Variants in MALRD1 observed in about 807,000 individuals in gnomAD.
MALRD1 encodes the protein MAM and LDL-receptor class A domain-containing protein 1.
A neutral mutation model predicts 242.1 loss-of-function variants in MALRD1; 247 were observed. The observed-to-expected ratio is 1.02, with a 90% CI of 0.92 to 1.13. The LOEUF (loss-of-function observed/expected upper bound fraction) is 1.13. Ranked by LOEUF, MALRD1 falls within the 50% of genes most tolerant of loss-of-function variation. The pLI is 0.00. For synonymous variants in MALRD1, 995 were observed against 866.6 expected, an observed-to-expected ratio of 1.15 and a Z score of -2.60; for missense variants, 2,989 against 2,533.1, an observed-to-expected ratio of 1.18 and a Z score of -3.86.
chr10:19,311,023 T>C (rs1842404069), intron 21 of MALRD1, among the ~76,000 whole-genome samples: 2 of 151,520 alleles, frequency 1.3e-5, no homozygotes, highest in African/African-American at 4.8e-5. Context: ...CCTTGAATGA[T>C]AAAAAGAAAA....
At chr10:19,603,632 C>T (rs1478065073) in intron 34 of MALRD1, among the ~76,000 whole-genome samples, 1 of 152,150 alleles carries the variant, frequency 6.6e-6, no homozygotes, top group African/African-American at 2.4e-5. Flanking sequence ...TAGTGTGATG[C>T]CTCCGGCTTT....
intron 36 of MALRD1, among the ~76,000 whole-genome samples, chr10:19,671,584 C>G (rs1841922117): frequency 6.6e-6 from 1 of 151,882 alleles, no homozygotes; most frequent in Non-Finnish European, 1.5e-5. Context: ...CACCACTGCA[C>G]TCCAGCACTC....
At chr10:19,538,733 T>C (rs1834796024) in intron 32 of MALRD1, among the ~76,000 whole-genome samples, 1 of 152,028 alleles carries the variant, frequency 6.6e-6, no homozygotes, top group South Asian at 2.1e-4. Flanking sequence ...AATAGGTAAC[T>C]CACAATTTAT....
chr10:19,238,532 C>CATTATATATTAT, intron 18 of MALRD1, among the ~76,000 whole-genome samples: 1 of 55,882 alleles, frequency 1.8e-5, no homozygotes, highest in Middle Eastern at 0.017. Context: ...ATATAATATA[C>CATTATATATTAT]ATTATATATA....
rs74697682 is a variant in MALRD1, at chr10:19,208,904, C to A, written c.2579-364C>A. Among the ~76,000 whole-genome samples, 5 of 152,188 alleles carry A rather than the reference C, an allele frequency of 3.3e-5. No individual in the cohort carries two copies. The South Asian group carries it at 1.0e-3, about 32-fold the overall frequency. ...AATGTTCCCTGGTGATTGGAACATT[C>A]AGTTGAGGTTGAAATCTACTGAGCC... On this transcript the variant is annotated intron_variant, in intron 17 of 39. Transcript: ENST00000454679.
chr10:19,281,912 G>A (rs1023645032), intron 20 of MALRD1, among the ~76,000 whole-genome samples: 16 of 145,554 alleles, frequency 1.1e-4, no homozygotes, highest in Admixed American at 8.6e-4. Flanking sequence ...AGGGGGAGCC[G>A]AGATCGTGCC....
chr10:19,653,083 G>A (rs1840970192), intron 36 of MALRD1, among the ~76,000 whole-genome samples: 1 of 152,114 alleles, frequency 6.6e-6, no homozygotes, highest in Admixed American at 6.5e-5. Context: ...GCAGTCTATT[G>A]TACAAATCAG....
At chr10:19,243,047 G>C (rs1021389202) in intron 18 of MALRD1, among the ~76,000 whole-genome samples, 2 of 146,382 alleles carry the variant, frequency 1.4e-5, no homozygotes, top group Non-Finnish European at 3.0e-5. Context: ...GTGGTGCTAA[G>C]CTTTGTTTCT....
chr10:19,717,820 C>T (rs368291278), intron 38 of MALRD1, among the ~76,000 whole-genome samples: 24 of 151,936 alleles, frequency 1.6e-4, no homozygotes, highest in African/African-American at 5.6e-4. Context: ...AGTTTAAGAC[C>T]AGCCTGGCCT....
rs529218755 is a variant in MALRD1 at position 19,347,230 on chromosome 10, G to A, written c.3902-541G>A. Among the ~76,000 whole-genome samples, 240 of 152,194 alleles carry A rather than the reference G, an allele frequency of 1.6e-3. 1 individual carries two copies. The highest frequency in any genetic ancestry group is 5.0e-3 in the Admixed American group (76 of 15,280). On this transcript the variant is annotated intron_variant, in intron 24 of 39. Transcript: ENST00000454679. ...CCTGGGAGATAGTGTGGTATTTAAT[G>A]CAACTTAACCTATTTAATTTCTGCA...
chr10:19,544,498 T>G (rs1223398818), intron 32 of MALRD1, among the ~76,000 whole-genome samples: 1 of 152,132 alleles, frequency 6.6e-6, no homozygotes, highest in Non-Finnish European at 1.5e-5. Flanking sequence ...TACTTGAGTC[T>G]TTAGATGGGT....
intron 36 of MALRD1, among the ~76,000 whole-genome samples, chr10:19,617,772 G>T (rs1027905714): frequency 2.0e-5 from 3 of 151,720 alleles, no homozygotes; most frequent in African/African-American, 7.3e-5. Context: ...ATTTATTTTA[G>T]GTTCAGGGTT....
chr10:19,718,035 GGAA>G (rs759931674), intron 38 of MALRD1, among the ~76,000 whole-genome samples: 6 of 110,598 alleles, frequency 5.4e-5, no homozygotes, highest in African/African-American at 1.5e-4. Flanking sequence ...TAAATAAAGA[GGAA>G]GAAGAAGAGG....
chr10:19,237,706 A>G (rs58884068), intron 18 of MALRD1, among the ~76,000 whole-genome samples: 1 of 114,088 alleles, frequency 8.8e-6, no homozygotes, highest in East Asian at 2.3e-4. Flanking sequence ...ACATAATTAT[A>G]TATATATTTA....
chr10:19,079,116 T>C (rs1835405463), intron 2 of MALRD1, among the ~76,000 whole-genome samples: 1 of 151,678 alleles, frequency 6.6e-6, no homozygotes, highest in Non-Finnish European at 1.5e-5. Flanking sequence ...TTTAGGCATT[T>C]ACAGCTATAC....
intron 36 of MALRD1, among the ~76,000 whole-genome samples, chr10:19,622,180 T>A (rs535770279): frequency 1.1e-4 from 16 of 143,960 alleles, no homozygotes; most frequent in Admixed American, 2.8e-4. Context: ...GAAAAAAAAA[T>A]TATTAAGAAT....
chr10:19,320,025 G>C (rs1842853071), intron 21 of MALRD1, among the ~76,000 whole-genome samples: 1 of 135,404 alleles, frequency 7.4e-6, no homozygotes, highest in African/African-American at 2.8e-5. Context: ...CTGCTAACCT[G>C]AGTTTTATAA....
chr10:19,674,800 G>A (rs1388669079), intron 36 of MALRD1, among the ~76,000 whole-genome samples: 1 of 151,242 alleles, frequency 6.6e-6, no homozygotes, highest in East Asian at 2.0e-4. Flanking sequence ...CTATTGACTT[G>A]CAGCCATTTT....
chr10:19,544,665 T>C (rs1434228540), intron 32 of MALRD1, among the ~76,000 whole-genome samples: 1 of 152,050 alleles, frequency 6.6e-6, no homozygotes, highest in Admixed American at 6.6e-5. Flanking sequence ...TAAAAGTAGA[T>C]CTTTGGTCAG....
Sources: allele counts gnomAD v4.1 joint callset (sites outside exome capture counted in the v4.1 genomes callset), GRCh38; gene constraint gnomAD v4.1.1; transcripts MANE v1.5; gene names NCBI Gene and HGNC (gene_info 2026-07-23, HGNC 2026-07-21).